Variants in KCNH7 observed in about 807,000 individuals in gnomAD.
KCNH7 encodes potassium voltage-gated channel subfamily H member 7, also known as voltage-gated inwardly rectifying potassium channel KCNH7.
A neutral mutation model predicts 120.8 loss-of-function variants in KCNH7; 49 were observed. The ratio of observed to expected loss-of-function variants is 0.41; its 90% CI spans 0.32 to 0.51. The LOEUF is 0.51. Among genes scored for constraint, KCNH7 ranks in the 20% least tolerant of loss-of-function variants. The pLI is 0.38. For synonymous variants in KCNH7, 547 were observed against 516.1 expected, an observed-to-expected ratio of 1.06 and a Z score of -0.81; for missense variants, 1,097 against 1,446.6, an observed-to-expected ratio of 0.76 and a Z score of 3.92.
At chr2:162,656,373 A>T (rs1309262857) in intron 2 of KCNH7, among the ~76,000 whole-genome samples, 1 of 152,208 alleles carries the variant, frequency 6.6e-6, no homozygotes, top group Non-Finnish European at 1.5e-5. Flanking sequence ...AACATAATAC[A>T]TGAGGAGTAA....
At chr2:162,797,958 A>G (rs770062610) in intron 2 of KCNH7, 4 of 152,132 alleles carry the variant, frequency 2.6e-5, no homozygotes, top group Non-Finnish European at 5.9e-5. Flanking sequence ...AATTAAAAGG[A>G]AGACTATTTC....
At chr2:162,471,524 C>A (rs1042576241) in intron 6 of KCNH7, among the ~76,000 whole-genome samples, 6 of 152,084 alleles carry the variant, frequency 3.9e-5, no homozygotes, top group Non-Finnish European at 5.9e-5. Flanking sequence ...GTTTTACGAC[C>A]TTACAAGGGA....
intron 2 of KCNH7, among the ~76,000 whole-genome samples, chr2:162,816,109 T>C (rs1008553551): frequency 6.6e-6 from 1 of 151,840 alleles, no homozygotes; most frequent in African/African-American, 2.4e-5. Context: ...AACCCAAAAT[T>C]AGCCGGTTGT....
chr2:162,656,460 T>C (rs1684767092), intron 2 of KCNH7, among the ~76,000 whole-genome samples: 2 of 152,202 alleles, frequency 1.3e-5, no homozygotes, highest in African/African-American at 2.4e-5. Flanking sequence ...TTATCCATCA[T>C]TTTTTGTAAG....
chr2:162,671,558 G>A (rs182702450), intron 2 of KCNH7, among the ~76,000 whole-genome samples: 298 of 152,128 alleles, frequency 2.0e-3, no homozygotes, highest in African/African-American at 6.9e-3. Flanking sequence ...ACTCCAAAAG[G>A]TGGGATAGTG....
intron 2 of KCNH7, among the ~76,000 whole-genome samples, chr2:162,703,455 T>C (rs1026077484): frequency 2.6e-5 from 4 of 152,140 alleles, no homozygotes; most frequent in African/African-American, 9.7e-5. Flanking sequence ...GATTTAAGAA[T>C]GTATACTTTA....
chr2:162,820,728 A>G (rs1422942398), intron 2 of KCNH7, among the ~76,000 whole-genome samples: 1 of 152,202 alleles, frequency 6.6e-6, no homozygotes, highest in Non-Finnish European at 1.5e-5. Flanking sequence ...TTAGATCTGC[A>G]AAAATACAAA....
intron 6 of KCNH7, among the ~76,000 whole-genome samples, chr2:162,489,220 T>C (rs1458295403): frequency 6.6e-6 from 1 of 152,218 alleles, no homozygotes; most frequent in African/African-American, 2.4e-5. Context: ...ATGCTTGAAG[T>C]AGTCAATAGC....
intron 6 of KCNH7, among the ~76,000 whole-genome samples, chr2:162,464,974 T>C (rs2105617723): frequency 6.6e-6 from 1 of 152,218 alleles, no homozygotes; most frequent in African/African-American, 2.4e-5. Context: ...TTATGAATGT[T>C]AGGAAAAGCA....
intron 9 of KCNH7, among the ~76,000 whole-genome samples, chr2:162,409,832 T>C (rs1255759254): frequency 6.6e-6 from 1 of 151,964 alleles, no homozygotes; most frequent in East Asian, 1.9e-4. Flanking sequence ...TCATTTGCAA[T>C]AGCCACATAA....
intron 2 of KCNH7, among the ~76,000 whole-genome samples, chr2:162,626,714 T>C (rs2105207830): frequency 6.6e-6 from 1 of 152,230 alleles, no homozygotes; most frequent in East Asian, 1.9e-4. Context: ...TATGGGAGAA[T>C]TATTAAATAC....
At position 162,429,268 on chromosome 2, in the gene KCNH7, T is replaced by C. The variant is rs188324859; in HGVS notation, c.1955-5733A>G. Among the ~76,000 whole-genome samples, 162 of 151,860 alleles carry C rather than the reference T, an allele frequency of 1.1e-3. 2 individuals carry two copies. Among genetic ancestry groups the C allele is most frequent in the Non-Finnish European group, 7.4e-5 (5 of 67,798 alleles). On this transcript the variant is annotated intron_variant, in intron 8 of 15. Transcript: ENST00000332142. ...TTCTTCTTCCCACTTTTTGGTACTA[T>C]CATTGTCATAATTTCTCCTTCTACA...
At chr2:162,399,169 GA>G (rs1687000675) in intron 10 of KCNH7, among the ~76,000 whole-genome samples, 1 of 151,582 alleles carries the variant, frequency 6.6e-6, no homozygotes, top group Admixed American at 6.6e-5. Flanking sequence ...AATTTTTACA[GA>G]AACTAAGGAT....
At chr2:162,773,687 A>G (rs1481753389) in intron 2 of KCNH7, among the ~76,000 whole-genome samples, 1 of 152,192 alleles carries the variant, frequency 6.6e-6, no homozygotes, top group Non-Finnish European at 1.5e-5. Flanking sequence ...CATTTTTAAA[A>G]CCTATGAAAT....
intron 2 of KCNH7, among the ~76,000 whole-genome samples, chr2:162,694,748 A>AT (rs34119660): frequency 0.026 from 3,725 of 143,970 alleles, 89 homozygotes; most frequent in East Asian, 0.12. Context: ...ACAAACTTGT[A>AT]TTTTTTTTTT....
chr2:162,800,599 AC>A (rs1405941279), intron 2 of KCNH7, among the ~76,000 whole-genome samples: 12 of 152,010 alleles, frequency 7.9e-5, no homozygotes, highest in Admixed American at 7.9e-4. Context: ...TTTCCTTATT[AC>A]CCACTCATAT....
intron 14 of KCNH7, among the ~76,000 whole-genome samples, chr2:162,375,023 C>G (rs1415127107): frequency 6.6e-6 from 1 of 152,154 alleles, no homozygotes; most frequent in Non-Finnish European, 1.5e-5. Flanking sequence ...ATGTGTTATA[C>G]ATATTTTTCT....
intron 6 of KCNH7, among the ~76,000 whole-genome samples, chr2:162,482,730 T>C (rs781227722): frequency 1.3e-5 from 2 of 152,128 alleles, no homozygotes; most frequent in Non-Finnish European, 2.9e-5. Flanking sequence ...CCTACAGCAA[T>C]AGAACCTTGG....
At chr2:162,796,159 GT>G (rs1684138671) in intron 2 of KCNH7, 1 of 152,046 alleles carries the variant, frequency 6.6e-6, no homozygotes, top group Non-Finnish European at 1.5e-5. Flanking sequence ...TCAGAGGCCT[GT>G]GTCTGAATTT....
Sources: gnomAD v4.1 joint callset for allele counts (sites outside exome capture counted in the v4.1 genomes callset) on GRCh38, gnomAD v4.1.1 for gene constraint, MANE v1.5 for transcripts, NCBI Gene and HGNC (gene_info 2026-07-23, HGNC 2026-07-21) for gene names.